CDH15: variants seen among roughly 807,000 people sequenced by gnomAD.
CDH15 encodes cadherin 15, also known as cadherin-15.
Under a neutral mutation model 69.4 loss-of-function variants are expected in CDH15, and 73 were observed. The ratio of observed to expected loss-of-function variants is 1.05; its 90% CI spans 0.87 to 1.28. CDH15 has a LOEUF of 1.28. Ranked by LOEUF, CDH15 falls within the 50% of genes most tolerant of loss-of-function variation. The probability of loss-of-function intolerance (pLI) is 0.00; values close to 1 mark genes in which losing one functional copy is unlikely to be tolerated. For missense variants in CDH15, 1,343 were observed against 1,133.6 expected (o/e 1.18, Z -2.65); for synonymous variants, 624 against 507.7 (o/e 1.23, Z -3.08).
At chr16:89,177,817 C>T (rs1198697963) in intron 1 of CDH15, among the ~76,000 whole-genome samples, 1 of 152,164 alleles carries the variant, frequency 6.6e-6, no homozygotes, top group Non-Finnish European at 1.5e-5. Flanking sequence ...GCAGCTTCCA[C>T]CAGGCTGTGC....
At chr16:89,185,924 T>A (rs1342345916) in intron 5 of CDH15, 1 of 161,940 alleles carries the variant, frequency 6.2e-6, no homozygotes, top group Non-Finnish European at 1.3e-5. Flanking sequence ...TGTAAACGCT[T>A]ATCCAGCACA....
chr16:89,195,280 G>A lies in CDH15; in HGVS notation c.*125G>A, dbSNP rs1915779569. ...GGGCAGCCTCCTTCCTGTAGGCGAG[G>A]GCCCAAGTCTGGGGGCAGAACCTGA... On this transcript the variant is annotated 3_prime_UTR_variant, in exon 14 of 14. Coordinates refer to ENST00000289746, the MANE Select transcript of CDH15 (RefSeq NM_004933.3). 5 of 1,044,908 alleles carry A rather than the reference G, an allele frequency of 4.8e-6. No individual in the cohort carries two copies. The East Asian group carries it at 7.9e-5, about 16-fold the overall frequency. 64.7% of individuals were successfully genotyped at this position (1,044,908 alleles called of 1,614,324 possible). A position where few individuals can be genotyped will look rare whatever the true frequency, so the allele number is the denominator to read the frequency against.
chr16:89,188,822 A>G (rs1396335671), intron 7 of CDH15, among the ~76,000 whole-genome samples: 1 of 85,606 alleles, frequency 1.2e-5, no homozygotes, highest in Non-Finnish European at 2.3e-5. Flanking sequence ...TGGCACACAG[A>G]TGCCCACGCA....
chr16:89,195,247 TG>T lies in CDH15; in HGVS notation c.*95del, dbSNP rs1915778411. 1 of 1,337,568 alleles carries T rather than the reference TG, an allele frequency of 7.5e-7. No individual in the cohort carries two copies. The highest frequency in any genetic ancestry group is 1.5e-5 in the African/African-American group (1 of 68,132). 82.9% of individuals were successfully genotyped at this position (1,337,568 alleles called of 1,614,324 possible). On this transcript the variant is annotated 3_prime_UTR_variant, in exon 14 of 14. Transcript: ENST00000289746. ...CTGAGGTCACCGGGCCCGACCCCCCTGGGCCTGGGGCAGCCTCCTTCCTGTA... is the reference window on the plus strand; with the variant it reads ...CTGAGGTCACCGGGCCCGACCCCCCTGGCCTGGGGCAGCCTCCTTCCTGTA...
At chr16:89,190,153 CA>C in intron 7 of CDH15, 89 bp from the exon 8 acceptor site, 1 of 1,502,426 alleles carries the variant, frequency 6.7e-7, no homozygotes, top group Non-Finnish European at 9.1e-7. Context: ...GTGCTCTGGA[CA>C]GACCCAAGGA....
intron 1 of CDH15, among the ~76,000 whole-genome samples, chr16:89,175,739 C>T (rs567635802): frequency 4.0e-4 from 61 of 152,338 alleles, no homozygotes; most frequent in African/African-American, 1.3e-3. Context: ...AGGCCAGGGC[C>T]GCCATCTGTC....
At chr16:89,173,216 G>A (rs543917770) in intron 1 of CDH15, among the ~76,000 whole-genome samples, 1 of 152,156 alleles carries the variant, frequency 6.6e-6, no homozygotes, top group Admixed American at 6.5e-5. Flanking sequence ...AGGCTGGGGG[G>A]CTCCATGCCT....
chr16:89,189,153 C>CGG (rs1915576850), intron 7 of CDH15, among the ~76,000 whole-genome samples: 2 of 130,048 alleles, frequency 1.5e-5, no homozygotes, highest in Admixed American at 8.0e-5. Flanking sequence ...ACACAGATGC[C>CGG]CACACACAGA....
chr16:89,179,812 G>A (rs1331140550), intron 2 of CDH15, among the ~76,000 whole-genome samples: 2 of 152,208 alleles, frequency 1.3e-5, no homozygotes, highest in South Asian at 2.1e-4. Flanking sequence ...CCCCACATGC[G>A]CCTCGGGTGG....
intron 1 of CDH15, among the ~76,000 whole-genome samples, chr16:89,173,810 C>T (rs1026486031): frequency 1.3e-5 from 2 of 152,228 alleles, no homozygotes; most frequent in Admixed American, 6.5e-5. Context: ...TCAGAACTGG[C>T]CCCTCTCAGC....
At chr16:89,192,469 T>TGGACCCTCGGACCCTC in intron 11 of CDH15, 25 bp downstream of exon 11, 4 of 1,563,346 alleles carry the variant, frequency 2.6e-6, no homozygotes, top group Non-Finnish European at 3.4e-6. Flanking sequence ...CGCCTCCACC[T>TGGACCCTCGGACCCTC]GGACCCTCGG....
At position 89,171,829 on chromosome 16, in the gene CDH15, C is replaced by T. The variant is rs895094248; in HGVS notation, c.-3C>T. On this transcript the variant is annotated 5_prime_UTR_variant, in exon 1 of 14. Coordinates refer to ENST00000289746, the MANE Select transcript of CDH15 (RefSeq NM_004933.3). ...CTCCGGCCCGGCTCCCGCCTCGGCC[C>T]CGATGGACGCCGCGTTCCTCCTCGT... 1.3e-6 allele frequency: 2 copies of T among 1,556,844 alleles called. No individual in the cohort carries two copies. The highest frequency in any genetic ancestry group is 3.8e-5 in the Admixed American group (2 of 52,930).
At chr16:89,185,118 C>T (rs1915453356) in intron 4 of CDH15, 55 bp from the exon 5 acceptor site, 2 of 1,533,126 alleles carry the variant, frequency 1.3e-6, no homozygotes, top group East Asian at 2.4e-5. Context: ...CTCACAATGC[C>T]CCCAGCCCAT....
intron 1 of CDH15, among the ~76,000 whole-genome samples, chr16:89,172,407 G>A (rs558854902): frequency 2.6e-5 from 4 of 152,250 alleles, no homozygotes; most frequent in South Asian, 4.1e-4. Context: ...GCTACTTCTC[G>A]ATTGGGAGGG....
intron 5 of CDH15, among the ~76,000 whole-genome samples, chr16:89,186,696 G>A (rs1426685943): frequency 1.6e-5 from 2 of 122,716 alleles, no homozygotes; most frequent in Admixed American, 8.1e-5. Flanking sequence ...GGTGCTCTGT[G>A]AACACCCAGC....
In CDH15 at chr16:89,191,435, C is replaced by T. The variant is rs369841519; in HGVS notation, c.1338C>T (p.Gly446=). Residue 446 remains glycine (G), a synonymous_variant, in exon 9 of 14, where the codon GGC becomes GGT. Coordinates refer to ENST00000289746, the MANE Select transcript of CDH15 (RefSeq NM_004933.3). ...VLSPASPFLK[G]GWYRAIVLAQ... is the part of the protein sequence containing the mutation. ...GCCCGGCGTCCCCCTTCCTCAAGGG[C>T]GGCTGGTACAGAGCCATCGTCCTGG... 4.6e-5 allele frequency: 74 copies of T among 1,612,690 alleles called. No homozygotes were observed. Among genetic ancestry groups the T allele is most frequent in the South Asian group, 5.5e-5 (5 of 91,074 alleles).
intron 1 of CDH15, among the ~76,000 whole-genome samples, chr16:89,173,041 C>A (rs1045017024): frequency 1.3e-5 from 2 of 152,122 alleles, no homozygotes; most frequent in African/African-American, 4.8e-5. Context: ...TGGCAGCTGA[C>A]CAGGCGCCTG....
chr16:89,195,143 C>A lies in CDH15; in HGVS notation c.2433C>A (p.Gly811=). Residue 811 remains glycine, a synonymous_variant, in exon 14 of 14, where the codon GGC becomes GGA. Transcript: ENST00000289746. ...SPGALLPRHR[G]RTA ...GGGCACTGCTACCCAGACACAGAGG[C>A]CGGACAGCCTGACCCTGGGGCGCAA... is the stretch of plus-strand genomic sequence containing the variant. The A allele has an allele frequency of 6.3e-7, 1 of 1,593,618 alleles. No individual in the cohort carries two copies. Among genetic ancestry groups the A allele is most frequent in the Non-Finnish European group, 8.5e-7 (1 of 1,169,758 alleles).
chr16:89,183,287 C>T lies in CDH15; in HGVS notation c.358-261C>T, dbSNP rs189034491. 72 of 509,998 alleles carry T rather than the reference C, an allele frequency of 1.4e-4. 1 individual carries two copies. In the East Asian group the frequency reaches 1.8e-3, roughly 13 times the overall value. The allele number at this position is 509,998 out of a possible 1,614,324, so 31.6% of individuals were successfully genotyped here. A position where few individuals can be genotyped will look rare whatever the true frequency, so the allele number is the denominator to read the frequency against. ...CTCTGAGAGCCTTACTTTAGTCACA[C>T]GTGAAGCTGTGAGCTTCCTGGCTGC... On this transcript the variant is annotated intron_variant, in intron 3 of 13. Coordinates refer to ENST00000289746, the MANE Select transcript of CDH15 (RefSeq NM_004933.3).
Sources: allele counts gnomAD v4.1 joint callset (sites outside exome capture counted in the v4.1 genomes callset), GRCh38; gene constraint gnomAD v4.1.1; transcripts MANE v1.5; gene names NCBI Gene and HGNC (gene_info 2026-07-23, HGNC 2026-07-21).